The following CCSER1 variants were observed in gnomAD, a reference collection of about 807,000 sequenced individuals.
The protein encoded by CCSER1 is coiled-coil serine rich protein 1.
A neutral mutation model predicts 82.0 loss-of-function variants in CCSER1; 41 were observed. The ratio of observed to expected loss-of-function variants is 0.50; its 90% confidence interval spans 0.39 to 0.65. CCSER1 has a LOEUF of 0.65. CCSER1 is among the 30% of genes least tolerant of loss of function. The pLI, the probability that CCSER1 is intolerant of heterozygous loss-of-function variation, is 0.00. For missense variants in CCSER1, 1,119 were observed against 1,064.2 expected (o/e 1.05, Z -0.72); for synonymous variants, 414 against 383.9 (o/e 1.08, Z -0.92).
chr4:91,505,384 G>T (rs181912000), intron 10 of CCSER1, among the ~76,000 whole-genome samples: 209 of 152,246 alleles, frequency 1.4e-3, no homozygotes, highest in African/African-American at 4.9e-3. Flanking sequence ...TTGCTAATGT[G>T]AATAGTGCTG....
At chr4:91,437,917 G>A (rs539540143) in intron 10 of CCSER1, among the ~76,000 whole-genome samples, 13 of 152,206 alleles carry the variant, frequency 8.5e-5, no homozygotes, top group African/African-American at 4.8e-5. Flanking sequence ...AGGCAGCAGC[G>A]AGGCAGGGGG....
At chr4:90,570,952 AC>A (rs1560738395) in intron 5 of CCSER1, among the ~76,000 whole-genome samples, 1 of 152,148 alleles carries the variant, frequency 6.6e-6, no homozygotes, top group Non-Finnish European at 1.5e-5. Context: ...CTGAAAAAAA[AC>A]ATACAAGCAG....
chr4:90,277,176 T>C (rs1271420776), intron 1 of CCSER1, among the ~76,000 whole-genome samples: 5 of 152,006 alleles, frequency 3.3e-5, no homozygotes, highest in Non-Finnish European at 5.9e-5. Flanking sequence ...CACAAATAAA[T>C]GGAAACCATT....
At chr4:90,334,913 A>G (rs979183969) in intron 3 of CCSER1, among the ~76,000 whole-genome samples, 3 of 152,192 alleles carry the variant, frequency 2.0e-5, no homozygotes, top group African/African-American at 4.8e-5. Context: ...CACAAACCAA[A>G]CTGTCATTCT....
chr4:91,534,411 T>TA (rs1412291947), intron 10 of CCSER1, among the ~76,000 whole-genome samples: 1 of 152,046 alleles, frequency 6.6e-6, no homozygotes, highest in Non-Finnish European at 1.5e-5. Flanking sequence ...GCACAGTCCT[T>TA]AAAAATCAAG....
At chr4:91,276,160 C>A (rs1475091571) in intron 10 of CCSER1, among the ~76,000 whole-genome samples, 1 of 151,312 alleles carries the variant, frequency 6.6e-6, no homozygotes, top group East Asian at 2.0e-4. Flanking sequence ...TGGTTCCATA[C>A]ACATTTTAGG....
At chr4:90,143,945 C>A (rs1424509765) in intron 1 of CCSER1, among the ~76,000 whole-genome samples, 1 of 152,156 alleles carries the variant, frequency 6.6e-6, no homozygotes, top group Non-Finnish European at 1.5e-5. Flanking sequence ...CCACCTCAGC[C>A]TCCCAAAGTG....
intron 1 of CCSER1, among the ~76,000 whole-genome samples, chr4:90,174,779 A>G (rs900987133): frequency 3.9e-5 from 6 of 152,124 alleles, no homozygotes; most frequent in African/African-American, 1.2e-4. Flanking sequence ...AGTGACTCAC[A>G]CAGGGCTAGA....
chr4:90,430,053 ATCTAAC>A (rs754154957), intron 4 of CCSER1, among the ~76,000 whole-genome samples: 5 of 151,856 alleles, frequency 3.3e-5, no homozygotes, highest in African/African-American at 4.8e-5. Flanking sequence ...CCGCTCAAAA[ATCTAAC>A]TCTACTCTCC....
chr4:91,401,345 A>G (rs1056012543), intron 10 of CCSER1, among the ~76,000 whole-genome samples: 4 of 148,326 alleles, frequency 2.7e-5, no homozygotes, highest in African/African-American at 9.8e-5. Flanking sequence ...CATATAATAT[A>G]CTACATTGAT....
chr4:90,534,287 G>A (rs978826996), intron 5 of CCSER1, among the ~76,000 whole-genome samples: 1 of 152,072 alleles, frequency 6.6e-6, no homozygotes, highest in Admixed American at 6.6e-5. Flanking sequence ...CCGCCACCAC[G>A]CCTGGCTAAT....
At chr4:91,363,770 TTATTACTATATTTATTTCTG>T (rs1749423674) in intron 10 of CCSER1, among the ~76,000 whole-genome samples, 1 of 151,810 alleles carries the variant, frequency 6.6e-6, no homozygotes, top group African/African-American at 2.4e-5. Flanking sequence ...GATCAAGATC[TTATTACTATATTTATTTCTG>T]TATCAGGAGT....
intron 10 of CCSER1, among the ~76,000 whole-genome samples, chr4:91,155,496 T>C (rs1245183487): frequency 6.6e-6 from 1 of 151,902 alleles, no homozygotes; most frequent in Non-Finnish European, 1.5e-5. Context: ...CAAGAAGAAC[T>C]TTGGAAATAG....
intron 4 of CCSER1, among the ~76,000 whole-genome samples, chr4:90,448,200 T>C (rs531981604): frequency 2.6e-5 from 4 of 151,932 alleles, no homozygotes; most frequent in South Asian, 2.1e-4. Context: ...AAGCATTATT[T>C]AAATAAAATA....
rs896097799 is a variant in CCSER1 at position 90,343,218 on chromosome 4, A to G, written c.1509+30171A>G. ...CTTGCTTATCAAAGTCATTTATCAT[A>G]TCCTTTTAATTATAAAGTCTTATTT... On this transcript the variant is annotated intron_variant, in intron 3 of 10. Coordinates refer to ENST00000509176, the MANE Select transcript of CCSER1 (RefSeq NM_001145065.2). 7.9e-5 allele frequency among the ~76,000 whole-genome samples: 12 copies of G among 152,304 alleles called. No homozygotes were observed. The East Asian group carries it at 1.7e-3, about 22-fold the overall frequency.
intron 5 of CCSER1, among the ~76,000 whole-genome samples, chr4:90,568,593 T>A (rs1313119643): frequency 1.3e-5 from 2 of 152,308 alleles, no homozygotes; most frequent in East Asian, 3.9e-4. Context: ...TAGATGGCTC[T>A]TGTACTTTAA....
chr4:90,412,062 G>A (rs543484940), intron 4 of CCSER1, among the ~76,000 whole-genome samples: 174 of 151,970 alleles, frequency 1.1e-3, no homozygotes, highest in African/African-American at 4.1e-3. Context: ...TTTGAACCAA[G>A]CCAAATGTCC....
intron 8 of CCSER1, among the ~76,000 whole-genome samples, chr4:90,864,472 T>C (rs549240141): frequency 1.3e-5 from 2 of 151,976 alleles, no homozygotes; most frequent in Non-Finnish European, 2.9e-5. Context: ...TTTCTTATAC[T>C]ATCTCTGGCA....
At chr4:91,443,869 CA>C (rs1755380346) in intron 10 of CCSER1, among the ~76,000 whole-genome samples, 1 of 150,962 alleles carries the variant, frequency 6.6e-6, no homozygotes, top group South Asian at 2.1e-4. Context: ...TTTATTTGTC[CA>C]AATACTTGAA....
Sources: gnomAD v4.1 joint callset for allele counts (sites outside exome capture counted in the v4.1 genomes callset) on GRCh38, gnomAD v4.1.1 for gene constraint, MANE v1.5 for transcripts, NCBI Gene and HGNC (gene_info 2026-07-23, HGNC 2026-07-21) for gene names.